The following SLC39A11 variants were observed in gnomAD, a reference collection of about 807,000 sequenced individuals.
SLC39A11 encodes solute carrier family 39 member 11.
A neutral mutation model predicts 36.1 loss-of-function variants in SLC39A11; 33 were observed. The observed-to-expected ratio is 0.91, with a 90% CI of 0.69 to 1.22. SLC39A11 has a LOEUF of 1.22. SLC39A11 is among the 50% of genes most tolerant of loss of function. SLC39A11 has a pLI of 0.00. For missense variants in SLC39A11, 432 were observed against 430.3 expected (o/e 1.00, Z -0.03); for synonymous variants, 166 against 170.3 (o/e 0.97, Z 0.20).
At chr17:72,852,892 C>G (rs1371929021) in intron 5 of SLC39A11, among the ~76,000 whole-genome samples, 2 of 152,230 alleles carry the variant, frequency 1.3e-5, no homozygotes, top group African/African-American at 2.4e-5. Flanking sequence ...TCTCCTAGAT[C>G]AGTCAGCAAA....
At chr17:72,728,515 A>C (rs1188109193) in intron 7 of SLC39A11, among the ~76,000 whole-genome samples, 2 of 152,064 alleles carry the variant, frequency 1.3e-5, no homozygotes, top group African/African-American at 4.8e-5. Flanking sequence ...AGCTTTGCAG[A>C]TAGTAAGTAT....
chr17:72,883,834 G>A (rs1274867871), intron 5 of SLC39A11, among the ~76,000 whole-genome samples: 1 of 152,146 alleles, frequency 6.6e-6, no homozygotes, highest in Non-Finnish European at 1.5e-5. Flanking sequence ...AGTAGGGCCT[G>A]GTCTTTAATC....
At chr17:73,083,106 C>T (rs572596462) in intron 3 of SLC39A11, among the ~76,000 whole-genome samples, 15 of 151,492 alleles carry the variant, frequency 9.9e-5, no homozygotes, top group East Asian at 9.7e-4. Flanking sequence ...TTCCAAGGGG[C>T]CCTCCATGTC....
intron 6 of SLC39A11, among the ~76,000 whole-genome samples, chr17:72,743,412 A>C (rs1434842183): frequency 6.6e-6 from 1 of 152,202 alleles, no homozygotes; most frequent in Non-Finnish European, 1.5e-5. Flanking sequence ...GGCCAGTAGC[A>C]GGGGACAAAA....
At chr17:72,699,964 C>T (rs8066857) in intron 7 of SLC39A11, among the ~76,000 whole-genome samples, 38,052 of 149,344 alleles carry the variant, frequency 0.25, 5,705 homozygotes, top group African/African-American at 0.37. Context: ...CGAAAAACCT[C>T]AACACAGGAG....
rs71154917 is a variant in SLC39A11 at position 72,777,869 on chromosome 17, A to ATATGTATGTATGTATG, written c.602-41166_602-41151dup. On this transcript the variant is annotated intron_variant, in intron 6 of 9. Transcript: ENST00000255559. ...TGTGTGTATGTATGTATGTATGTAT[A>ATATGTATGTATGTATG]TATGTATGTATGTATGTATGTATGT... 4.3e-4 allele frequency among the ~76,000 whole-genome samples: 64 copies of ATATGTATGTATGTATG among 150,068 alleles called. 1 individual carries two copies. Among genetic ancestry groups the ATATGTATGTATGTATG allele is most frequent in the South Asian group, 1.7e-3 (8 of 4,672 alleles).
At chr17:72,834,768 T>G (rs920523379) in intron 6 of SLC39A11, among the ~76,000 whole-genome samples, 6 of 152,242 alleles carry the variant, frequency 3.9e-5, no homozygotes, top group Non-Finnish European at 7.3e-5. Flanking sequence ...ATTCAAATTC[T>G]CTTGCTTTAG....
At chr17:72,770,464 C>G (rs1027945629) in intron 6 of SLC39A11, among the ~76,000 whole-genome samples, 2 of 152,202 alleles carry the variant, frequency 1.3e-5, no homozygotes, top group African/African-American at 4.8e-5. Context: ...CATGGGCCTC[C>G]CTTCAGCCTG....
In SLC39A11 at chr17:72,648,846, C is replaced by A. The variant is rs536634649; in HGVS notation, c.886G>T (p.Val296Phe). The change falls in exon 9 of 10, where the codon GTC becomes TTC. Residue 296 changes from valine to phenylalanine, a missense_variant. Physicochemically the swap from Val to Phe is conservative, Grantham distance 50. Coordinates refer to ENST00000255559, the MANE Select transcript of SLC39A11 (RefSeq NM_139177.4). ...ATGATGTCGTCCATGACCACGTAGA[C>A]CATGGCACCGGCAGCAAAGGCCAGA... ...YALAFAAGAM[V>F]YVVMDDIIPE... The A allele has an allele frequency of 6.2e-7, 1 of 1,614,184 alleles. No individual in the cohort carries two copies. Among genetic ancestry groups the A allele is most frequent in the Non-Finnish European group, 8.5e-7 (1 of 1,180,038 alleles).
intron 7 of SLC39A11, among the ~76,000 whole-genome samples, chr17:72,716,167 G>C (rs1010760089): frequency 6.6e-6 from 1 of 152,118 alleles, no homozygotes; most frequent in African/African-American, 2.4e-5. Flanking sequence ...ATACAAGCGG[G>C]GTGTTGGGCA....
At position 72,909,546 on chromosome 17, in the gene SLC39A11, A is replaced by C. The variant is rs2082853173; in HGVS notation, c.430+38206T>G. ...GCTTCAGACATTCAGGAACTGTCCA[A>C]AATCCTAAGGAAAAAAAAGAACTGT... On this transcript the variant is annotated intron_variant, in intron 5 of 9. Coordinates refer to ENST00000255559, the MANE Select transcript of SLC39A11 (RefSeq NM_139177.4). Among the ~76,000 whole-genome samples the C allele has an allele frequency of 2.6e-5, 4 of 152,142 alleles. No homozygotes were observed. The South Asian group carries it at 8.3e-4, about 32-fold the overall frequency.
intron 7 of SLC39A11, among the ~76,000 whole-genome samples, chr17:72,712,365 A>G (rs959221535): frequency 1.4e-4 from 21 of 152,256 alleles, no homozygotes; most frequent in African/African-American, 5.1e-4. Flanking sequence ...ACCAAACACT[A>G]GAGGCCAGTT....
At chr17:73,000,788 C>T (rs1399938856) in intron 4 of SLC39A11, among the ~76,000 whole-genome samples, 1 of 152,192 alleles carries the variant, frequency 6.6e-6, no homozygotes, top group Admixed American at 6.5e-5. Context: ...TCCTATAGCT[C>T]CAAGATATTA....
chr17:72,746,033 T>C (rs747793711), intron 6 of SLC39A11, among the ~76,000 whole-genome samples: 4 of 152,150 alleles, frequency 2.6e-5, no homozygotes, highest in Non-Finnish European at 4.4e-5. Flanking sequence ...GGCAAAACTA[T>C]GCTTGAGAGA....
At chr17:72,906,125 G>A (rs2082646358) in intron 5 of SLC39A11, among the ~76,000 whole-genome samples, 2 of 152,218 alleles carry the variant, frequency 1.3e-5, no homozygotes, top group Admixed American at 6.5e-5. Context: ...GCCAGAATGA[G>A]GAGTCTGGTT....
intron 4 of SLC39A11, among the ~76,000 whole-genome samples, chr17:72,954,951 G>A (rs944240212): frequency 2.0e-5 from 3 of 152,192 alleles, no homozygotes; most frequent in African/African-American, 7.2e-5. Flanking sequence ...GGGATCATGG[G>A]TCATAGTCAG....
At chr17:72,912,688 C>T (rs28439564) in intron 5 of SLC39A11, among the ~76,000 whole-genome samples, 78,309 of 151,656 alleles carry the variant, frequency 0.52, 20,263 homozygotes, top group African/African-American at 0.55. Context: ...GGAGGAAACA[C>T]CGGACCAGAA....
At chr17:72,782,691 A>C (rs2076359830) in intron 6 of SLC39A11, among the ~76,000 whole-genome samples, 1 of 114,364 alleles carries the variant, frequency 8.7e-6, no homozygotes, top group Non-Finnish European at 1.8e-5. Flanking sequence ...CCATCTCAAA[A>C]AAAAAAAAAA....
intron 6 of SLC39A11, among the ~76,000 whole-genome samples, chr17:72,828,485 C>T (rs1261260503): frequency 6.6e-6 from 1 of 152,158 alleles, no homozygotes; most frequent in African/African-American, 2.4e-5. Context: ...AATGGAGGCA[C>T]AGAGAGGGGT....
Sources: gnomAD v4.1 joint callset for allele counts (sites outside exome capture counted in the v4.1 genomes callset) on GRCh38, gnomAD v4.1.1 for gene constraint, MANE v1.5 for transcripts, NCBI Gene and HGNC (gene_info 2026-07-23, HGNC 2026-07-21) for gene names.